Variants in GALNT10 observed in about 807,000 individuals in gnomAD.
GALNT10 encodes the protein GalNAc transferase 10.
A neutral mutation model predicts 75.0 loss-of-function variants in GALNT10; 41 were observed. The observed-to-expected ratio is 0.55, with a 90% confidence interval of 0.43 to 0.71. The LOEUF is 0.71. Ranked by LOEUF, GALNT10 falls within the 30% of genes least tolerant of loss-of-function variation. GALNT10 has a pLI of 0.00. For missense variants in GALNT10, 727 were observed against 818.5 expected (o/e 0.89, Z 1.36); for synonymous variants, 302 against 313.0 (o/e 0.96, Z 0.37).
intron 1 of GALNT10, among the ~76,000 whole-genome samples, chr5:154,263,807 A>T (rs772109562): frequency 6.6e-6 from 1 of 152,124 alleles, no homozygotes; most frequent in Non-Finnish European, 1.5e-5. Context: ...TAATACCATT[A>T]CCTTTGGATT....
At chr5:154,401,879 C>T (rs1756173478) in intron 7 of GALNT10, among the ~76,000 whole-genome samples, 1 of 152,194 alleles carries the variant, frequency 6.6e-6, no homozygotes, top group Non-Finnish European at 1.5e-5. Context: ...CACTTTTGCA[C>T]AGAATCTGGT....
At chr5:154,206,265 A>G (rs896095720) in intron 1 of GALNT10, among the ~76,000 whole-genome samples, 5 of 152,254 alleles carry the variant, frequency 3.3e-5, no homozygotes, top group Admixed American at 2.0e-4. Flanking sequence ...AACCTGAGCC[A>G]TTAGCCTTGA....
rs918004478 is a variant in GALNT10, at chr5:154,218,201, C to T, written c.159+27176C>T. The T allele has an allele frequency of 1.5e-5, 13 of 859,072 alleles. No individual in the cohort carries two copies. The East Asian group carries it at 1.1e-3, about 72-fold the overall frequency. The allele number at this position is 859,072 out of a possible 1,614,324, so 53.2% of individuals were successfully genotyped here. On this transcript the variant is annotated intron_variant, in intron 1 of 11. Coordinates refer to ENST00000297107, the MANE Select transcript of GALNT10 (RefSeq NM_198321.4). ...TGGGGCACCTCCTCCCTCCCCACCTCATGGGTCCCTCTCTCATTTTAAAAG... is the reference window on the plus strand; with the variant it reads ...TGGGGCACCTCCTCCCTCCCCACCTTATGGGTCCCTCTCTCATTTTAAAAG...
At chr5:154,333,696 G>T (rs548149843) in intron 4 of GALNT10, among the ~76,000 whole-genome samples, 7 of 152,228 alleles carry the variant, frequency 4.6e-5, no homozygotes, top group African/African-American at 1.2e-4. Context: ...ATCCTAAAAA[G>T]ATAGAGAAGA....
intron 4 of GALNT10, chr5:154,338,400 A>G (rs575819774): frequency 1.9e-4 from 80 of 416,720 alleles, no homozygotes; most frequent in Non-Finnish European, 3.0e-4. Context: ...CAACCCTCCA[A>G]TGAAAAGTGT....
intron 4 of GALNT10, among the ~76,000 whole-genome samples, chr5:154,355,790 C>T (rs1755281742): frequency 6.6e-6 from 1 of 152,210 alleles, no homozygotes; most frequent in African/African-American, 2.4e-5. Context: ...ATCATTTGCA[C>T]TCTCACTACA....
rs1754887888 is a variant in GALNT10, at chr5:154,332,847, G to A, written c.568+3109G>A. On this transcript the variant is annotated intron_variant, in intron 4 of 11. Coordinates refer to ENST00000297107, the MANE Select transcript of GALNT10 (RefSeq NM_198321.4). ...TGTAACCTGTTTTTCTGAAGCACCA[G>A]CTGCCCTGGGGTTGGGCTTGTAGCA... Among the ~76,000 whole-genome samples, 3 of 152,202 alleles carry A rather than the reference G, an allele frequency of 2.0e-5. No homozygotes were observed. In the South Asian group the frequency reaches 6.2e-4, roughly 32 times the overall value.
chr5:154,196,466 C>T (rs150562916), intron 1 of GALNT10, among the ~76,000 whole-genome samples: 15 of 152,234 alleles, frequency 9.9e-5, no homozygotes, highest in African/African-American at 3.6e-4. Context: ...TAGTTGGCTT[C>T]AGGTATGGTG....
chr5:154,282,124 G>A (rs1414180766), intron 1 of GALNT10, among the ~76,000 whole-genome samples: 4 of 152,218 alleles, frequency 2.6e-5, no homozygotes, highest in Non-Finnish European at 5.9e-5. Flanking sequence ...GCGATATAAG[G>A]TGGTAGAAAG....
intron 1 of GALNT10, among the ~76,000 whole-genome samples, chr5:154,259,763 T>C (rs1432081645): frequency 6.6e-6 from 1 of 152,188 alleles, no homozygotes; most frequent in Non-Finnish European, 1.5e-5. Context: ...TTACATATGT[T>C]ATAAGCCCCT....
chr5:154,224,778 C>CTTTTT (rs549615789), intron 1 of GALNT10, among the ~76,000 whole-genome samples: 35 of 117,576 alleles, frequency 3.0e-4, no homozygotes, highest in Admixed American at 6.8e-4. Context: ...AAGCTCACTT[C>CTTTTT]TTTTTTTTTT....
intron 1 of GALNT10, among the ~76,000 whole-genome samples, chr5:154,220,956 G>C (rs189387885): frequency 1.1e-3 from 161 of 152,326 alleles, no homozygotes; most frequent in African/African-American, 3.8e-3. Flanking sequence ...GGACTGTCCT[G>C]AGTTTTAAAT....
intron 4 of GALNT10, among the ~76,000 whole-genome samples, chr5:154,347,606 C>T (rs1458430325): frequency 6.6e-6 from 1 of 151,710 alleles, no homozygotes; most frequent in East Asian, 1.9e-4. Flanking sequence ...AAGTGATCCT[C>T]CCGCCTCTGC....
At chr5:154,396,192 C>T (rs1278300569) in intron 7 of GALNT10, among the ~76,000 whole-genome samples, 2 of 133,740 alleles carry the variant, frequency 1.5e-5, no homozygotes, top group Non-Finnish European at 3.1e-5. Context: ...GACCAATGAC[C>T]AGATCATGTA....
At chr5:154,206,026 T>G (rs912230244) in intron 1 of GALNT10, among the ~76,000 whole-genome samples, 1 of 150,742 alleles carries the variant, frequency 6.6e-6, no homozygotes, top group African/African-American at 2.5e-5. Context: ...CAGATTGTGT[T>G]GTGTGTGTGT....
At chr5:154,344,207 TTC>T (rs749278036) in intron 4 of GALNT10, among the ~76,000 whole-genome samples, 907 of 28,114 alleles carry the variant, frequency 0.032, 7 homozygotes, top group Admixed American at 0.059. Context: ...CTTTCTTTCT[TTC>T]TTTTTTTTTT....
At chr5:154,283,163 G>T (rs537051004) in intron 1 of GALNT10, among the ~76,000 whole-genome samples, 1 of 152,062 alleles carries the variant, frequency 6.6e-6, no homozygotes, top group Admixed American at 6.5e-5. Flanking sequence ...AACAAGAGAG[G>T]CTGGGCATGA....
chr5:154,339,440 T>C (rs1275050534), intron 4 of GALNT10, among the ~76,000 whole-genome samples: 2 of 151,152 alleles, frequency 1.3e-5, no homozygotes, highest in African/African-American at 4.9e-5. Context: ...CTGTAAACCT[T>C]TTGGTGGACA....
chr5:154,347,488 A>G (rs1381955001), intron 4 of GALNT10, among the ~76,000 whole-genome samples: 1 of 151,686 alleles, frequency 6.6e-6, no homozygotes, highest in Non-Finnish European at 1.5e-5. Context: ...CTCGCCTCCC[A>G]AGTAACTGGG....
Sources: allele counts gnomAD v4.1 joint callset (sites outside exome capture counted in the v4.1 genomes callset), GRCh38; gene constraint gnomAD v4.1.1; transcripts MANE v1.5; gene names NCBI Gene and HGNC (gene_info 2026-07-23, HGNC 2026-07-21).